The following PIK3R6 variants were observed in gnomAD, a reference collection of about 807,000 sequenced individuals.
PIK3R6 encodes phosphoinositide 3-kinase regulatory subunit 6.
In PIK3R6, 91 loss-of-function variants were observed where a neutral mutation model predicts 84.9. The ratio of observed to expected loss-of-function variants is 1.07; its 90% CI spans 0.90 to 1.28. The LOEUF is 1.28. PIK3R6 is among the 50% of genes most tolerant of loss of function. The probability of loss-of-function intolerance (pLI) is 0.00; values close to 1 mark genes in which losing one functional copy is unlikely to be tolerated. For synonymous variants in PIK3R6, 416 were observed against 411.4 expected, an observed-to-expected ratio of 1.01 and a Z score of -0.13; for missense variants, 996 against 985.1, an observed-to-expected ratio of 1.01 and a Z score of -0.15.
intron 1 of PIK3R6, among the ~76,000 whole-genome samples, chr17:8,863,241 G>T (rs1002060667): frequency 3.9e-5 from 6 of 151,914 alleles, no homozygotes; most frequent in Non-Finnish European, 5.9e-5. Context: ...ATTGTCAATT[G>T]ATATATTATA....
At chr17:8,838,438 A>G (rs897937420) in intron 4 of PIK3R6, 126 bp downstream of exon 4, 3 of 724,724 alleles carry the variant, frequency 4.1e-6, no homozygotes, top group African/African-American at 1.8e-5. Context: ...AGGGAGATGC[A>G]TATGGTAAAA....
chr17:8,803,525 CT>C lies in PIK3R6; in HGVS notation c.2109-97del. On this transcript the variant is annotated intron_variant, in intron 19 of 19. Coordinates refer to ENST00000619866, the MANE Select transcript of PIK3R6 (RefSeq NM_001010855.4). The surrounding 1 kb of genome is among the most constrained non-coding windows in gnomAD (Gnocchi z 5.0). ...AGAGCTGTTATTGTAGGGCCTAGAG[CT>C]GTTATTGTAGGGCATAGAGGAGGCG... 1 of 1,280,470 alleles carries C rather than the reference CT, an allele frequency of 7.8e-7. No homozygotes were observed. The highest frequency in any genetic ancestry group is 1.1e-6 in the Non-Finnish European group (1 of 935,330). The allele number at this position is 1,280,470 out of a possible 1,614,324, so 79.3% of individuals were successfully genotyped here.
At position 8,803,365 on chromosome 17, in the gene PIK3R6, T is replaced by C; in HGVS notation, c.2173A>G (p.Asn725Asp). The change falls in exon 20 of 20, where the codon AAT becomes GAT. Residue 725 changes from asparagine to aspartate, a missense_variant. By Grantham distance (23) the Asn-to-Asp change is conservative. Transcript: ENST00000619866. The surrounding 1 kb of genome is among the most constrained non-coding windows in gnomAD (Gnocchi z 5.0). ...TCCACCTCCTGTTGCCCATGCAAAT[T>C]GAGCCACGGTGCCTTGGACTTCTGG... is the stretch of plus-strand genomic sequence containing the variant. Reference protein sequence around the residue: ...GAQKSKAPWLNLHGQQEVEAI... With the variant: ...GAQKSKAPWLDLHGQQEVEAI... The C allele has an allele frequency of 6.2e-7, 1 of 1,613,662 alleles. No homozygotes were observed.
Position 8,821,795 on chromosome 17 carries a change from GCC to G in PIK3R6, c.1879+49_1879+50del, listed in dbSNP as rs888742773. ...GCCACTCTGCCCTCTCCCCAGCATTGCCCTTCTCATCTCTTCTCTCTTTCTTT... is the reference window on the plus strand; with the variant it reads ...GCCACTCTGCCCTCTCCCCAGCATTGCTTCTCATCTCTTCTCTCTTTCTTT... On this transcript the variant is annotated intron_variant, in intron 17 of 19. Transcript: ENST00000619866. 5 of 1,517,488 alleles carry G rather than the reference GCC, an allele frequency of 3.3e-6. No individual in the cohort carries two copies. The African/African-American group carries it at 6.9e-5, about 21-fold the overall frequency. 94.0% of individuals were successfully genotyped at this position (1,517,488 alleles called of 1,614,324 possible). A position where few individuals can be genotyped will look rare whatever the true frequency, so the allele number is the denominator to read the frequency against.
Position 8,836,834 on chromosome 17 carries a change from GGCGACTGT to G in PIK3R6, c.340_347del (p.Thr114LeufsTer31), listed in dbSNP as rs766451425. The G allele has an allele frequency of 6.3e-7, 1 of 1,597,988 alleles. No individual in the cohort carries two copies. The highest frequency in any genetic ancestry group is 1.7e-5 in the Admixed American group (1 of 57,260). On this transcript the variant is annotated frameshift_variant, in exon 6 of 20. Coordinates refer to ENST00000619866, the MANE Select transcript of PIK3R6 (RefSeq NM_001010855.4). LOFTEE classifies it high-confidence loss of function. ...TTTTCAGCCTTATCGCGCAGTCCAA[GGCGACTGT>G]GCAGTAGGGGGTGGGCAGGGTCAGT...
chr17:8,807,030 G>T (rs1426558078), intron 18 of PIK3R6, among the ~76,000 whole-genome samples: 1 of 152,198 alleles, frequency 6.6e-6, no homozygotes, highest in African/African-American at 2.4e-5. Context: ...AAAAGCCCCT[G>T]ACCAGGTTGT....
intron 9 of PIK3R6, among the ~76,000 whole-genome samples, chr17:8,830,079 C>G (rs1305986345): frequency 6.6e-6 from 1 of 152,212 alleles, no homozygotes; most frequent in Non-Finnish European, 1.5e-5. Flanking sequence ...CCAACCTATG[C>G]TCCTATGCTG....
At chr17:8,852,988 T>G (rs1486889150) in intron 1 of PIK3R6, among the ~76,000 whole-genome samples, 1 of 151,850 alleles carries the variant, frequency 6.6e-6, no homozygotes, top group African/African-American at 2.4e-5. Context: ...GGATAAATGA[T>G]ATGTACAACA....
At position 8,832,916 on chromosome 17, in the gene PIK3R6, G is replaced by A. The variant is rs1417684653; in HGVS notation, c.775C>T (p.Leu259=). The change falls in exon 9 of 20, where the codon CTG becomes TTG. Residue 259 remains leucine, a synonymous_variant. Coordinates refer to ENST00000619866, the MANE Select transcript of PIK3R6 (RefSeq NM_001010855.4). ...ERLEEIYCSL[L]GPAAGRCGGD... ...CCGCAGCGCCCCGCCGCGGGACCCA[G>A]CAGCGAGCAGTAAATCTCCTCCAGC... 1.5e-5 allele frequency: 24 copies of A among 1,612,876 alleles called. No homozygotes were observed. The highest frequency in any genetic ancestry group is 2.0e-5 in the Non-Finnish European group (24 of 1,179,744).
At chr17:8,841,003 C>A (rs765377574) in intron 2 of PIK3R6, among the ~76,000 whole-genome samples, 1 of 152,084 alleles carries the variant, frequency 6.6e-6, no homozygotes, top group Non-Finnish European at 1.5e-5. Flanking sequence ...CTGCCCGCCT[C>A]GGCCTTCCAA....
intron 13 of PIK3R6, among the ~76,000 whole-genome samples, chr17:8,826,230 G>A (rs1179976609): frequency 6.6e-6 from 1 of 152,242 alleles, no homozygotes. Context: ...GTGTGTAAGT[G>A]TTTAGAACAG....
chr17:8,846,429 C>G (rs1421858765), intron 2 of PIK3R6, among the ~76,000 whole-genome samples: 1 of 151,994 alleles, frequency 6.6e-6, no homozygotes, highest in Admixed American at 6.6e-5. Context: ...CTTAGGATTG[C>G]TTTGGCTATT....
chr17:8,849,698 C>T, intron 2 of PIK3R6, 84 bp downstream of exon 2: 1 of 1,476,888 alleles, frequency 6.8e-7, no homozygotes. Flanking sequence ...GTCCTGCCAG[C>T]CCTAGAGGCA....
chr17:8,855,591 TTC>T (rs2089115999), intron 1 of PIK3R6, among the ~76,000 whole-genome samples: 1 of 152,292 alleles, frequency 6.6e-6, no homozygotes, highest in South Asian at 2.1e-4. Context: ...GGAACTGAAA[TTC>T]TCTCTTTTTA....
intron 1 of PIK3R6, among the ~76,000 whole-genome samples, chr17:8,850,153 A>C (rs982124902): frequency 1.3e-5 from 2 of 152,068 alleles, no homozygotes; most frequent in African/African-American, 4.8e-5. Context: ...AAAATACAAA[A>C]AATTAGCTGG....
chr17:8,837,672 GT>G, intron 5 of PIK3R6, 130 bp downstream of exon 5: 2 of 769,524 alleles, frequency 2.6e-6, no homozygotes, highest in Non-Finnish European at 4.3e-6. Context: ...TCAGAAGCCA[GT>G]TTAGGGCAGG....
At chr17:8,827,861 A>G (rs1016434400) in intron 12 of PIK3R6, among the ~76,000 whole-genome samples, 2 of 143,226 alleles carry the variant, frequency 1.4e-5, no homozygotes, top group African/African-American at 5.1e-5. Flanking sequence ...CATTACCTAC[A>G]AAAACAAAAC....
intron 17 of PIK3R6, among the ~76,000 whole-genome samples, chr17:8,819,769 T>G (rs1033874816): frequency 1.3e-4 from 19 of 147,822 alleles, no homozygotes; most frequent in Admixed American, 1.2e-3. Flanking sequence ...TATATATGTA[T>G]ATATACGCAC....
chr17:8,803,711 A>G lies in PIK3R6; in HGVS notation c.2109-282T>C, dbSNP rs9912143. On this transcript the variant is annotated intron_variant, in intron 19 of 19. Coordinates refer to ENST00000619866, the MANE Select transcript of PIK3R6 (RefSeq NM_001010855.4). The surrounding 1 kb of genome is among the most constrained non-coding windows in gnomAD (Gnocchi z 5.0). ...CCAGTAAGGGTCAGCTAACTGGAAC[A>G]CAGATGCCACAGGTCAGCCTGTGTG... 230,811 of 538,488 alleles carry G rather than the reference A, an allele frequency of 0.43. 50,364 individuals are homozygous for G. The highest frequency in any genetic ancestry group is 0.5 in the Admixed American group (14,778 of 29,536). 33.4% of individuals were successfully genotyped at this position (538,488 alleles called of 1,614,324 possible). A position where few individuals can be genotyped will look rare whatever the true frequency, so the allele number is the denominator to read the frequency against.
Sources: gnomAD v4.1 joint callset for allele counts (sites outside exome capture counted in the v4.1 genomes callset) on GRCh38, gnomAD v4.1.1 for gene constraint, Gnocchi (gnomAD v3.1) non-coding constraint, MANE v1.5 for transcripts, NCBI Gene and HGNC (gene_info 2026-07-23, HGNC 2026-07-21) for gene names.